The following FRRS1 variants were observed in gnomAD, a reference collection of about 807,000 sequenced individuals.
FRRS1 encodes the protein ferric reductase 1.
FRRS1 carries 51 observed loss-of-function variants against 70.7 expected under a neutral mutation model. The observed-to-expected ratio is 0.72, with a 90% confidence interval of 0.58 to 0.91. The LOEUF is 0.91. Among genes scored for constraint, FRRS1 ranks in the 40% least tolerant of loss-of-function variants. The pLI is 0.00. For missense variants in FRRS1, 672 were observed against 726.0 expected (o/e 0.93, Z 0.86); for synonymous variants, 225 against 238.7 (o/e 0.94, Z 0.53).
intron 7 of FRRS1, among the ~76,000 whole-genome samples, chr1:99,731,239 C>G (rs1337760458): frequency 6.6e-6 from 1 of 152,190 alleles, no homozygotes; most frequent in African/African-American, 2.4e-5. Context: ...TCTCCATAAA[C>G]TATCTAACAA....
intron 1 of FRRS1, among the ~76,000 whole-genome samples, chr1:99,753,212 T>A (rs1199206682): frequency 2.5e-5 from 3 of 121,176 alleles, no homozygotes; most frequent in Non-Finnish European, 4.8e-5. Context: ...GACCTCTGTC[T>A]CGATTTAAAA....
intron 8 of FRRS1, among the ~76,000 whole-genome samples, chr1:99,728,851 A>G (rs1353245922): frequency 6.6e-6 from 1 of 152,262 alleles, no homozygotes; most frequent in Non-Finnish European, 1.5e-5. Flanking sequence ...TGGCAAAAAG[A>G]AAAAATATTA....
At chr1:99,718,865 T>C (rs1654664551) in intron 10 of FRRS1, among the ~76,000 whole-genome samples, 2 of 152,156 alleles carry the variant, frequency 1.3e-5, no homozygotes, top group African/African-American at 4.8e-5. Flanking sequence ...TAAGGTCTCA[T>C]AAAAGTTAAA....
At chr1:99,747,036 T>C (rs371737232) in intron 4 of FRRS1, among the ~76,000 whole-genome samples, 5 of 152,296 alleles carry the variant, frequency 3.3e-5, no homozygotes, top group African/African-American at 1.2e-4. Flanking sequence ...ATAGTAAATA[T>C]ATTTTCTCTT....
intron 7 of FRRS1, among the ~76,000 whole-genome samples, chr1:99,737,040 C>A (rs1655709046): frequency 1.0e-5 from 1 of 99,552 alleles, no homozygotes; most frequent in African/African-American, 9.9e-5. Context: ...ACCCTCAAGA[C>A]AAGAACGCCT....
At chr1:99,741,129 T>C (rs1162179702) in intron 5 of FRRS1, among the ~76,000 whole-genome samples, 189 bp from the exon 6 acceptor site, 2 of 152,244 alleles carry the variant, frequency 1.3e-5, no homozygotes, top group African/African-American at 4.8e-5. Flanking sequence ...CAAATTTTTA[T>C]TGCTTTCTCT....
intron 1 of FRRS1, among the ~76,000 whole-genome samples, chr1:99,762,310 C>T (rs1036751702): frequency 4.6e-5 from 7 of 152,176 alleles, no homozygotes; most frequent in Admixed American, 3.3e-4. Flanking sequence ...TTTTCCACCA[C>T]ATTTTTTGGA....
At chr1:99,734,542 T>C (rs924559859) in intron 7 of FRRS1, among the ~76,000 whole-genome samples, 8 of 152,184 alleles carry the variant, frequency 5.3e-5, no homozygotes, top group Admixed American at 2.0e-4. Flanking sequence ...TATTGAGGTT[T>C]AAAACTTTTC....
At chr1:99,720,969 G>C (rs1393825475) in intron 9 of FRRS1, among the ~76,000 whole-genome samples, 1 of 151,534 alleles carries the variant, frequency 6.6e-6, no homozygotes, top group East Asian at 1.9e-4. Flanking sequence ...AATAAAGGTA[G>C]AACTTAAGCT....
rs1329676399 is a variant in FRRS1, at chr1:99,708,658, ATATATC to A, written c.*364_*369del. On this transcript the variant is annotated 3_prime_UTR_variant, in exon 17 of 17. Coordinates refer to ENST00000646001, the MANE Select transcript of FRRS1 (RefSeq NM_001361041.2). ...TATATATATATATATATATATATAT[ATATATC>A]GTAATATATCTCTTTATTATCCTAG... is the stretch of plus-strand genomic sequence containing the variant. The A allele has an allele frequency of 1.4e-5, 2 of 139,032 alleles. No homozygotes were observed. The highest frequency in any genetic ancestry group is 2.8e-5 in the Non-Finnish European group (2 of 70,384). The allele number at this position is 139,032 out of a possible 1,614,324, so 8.6% of individuals were successfully genotyped here.
intron 3 of FRRS1, chr1:99,748,209 C>A: frequency 6.0e-6 from 1 of 165,890 alleles, no homozygotes; most frequent in Non-Finnish European, 1.3e-5. Flanking sequence ...TAATAATCAG[C>A]CTACATTTTA....
At chr1:99,727,558 A>G (rs1258807353) in intron 9 of FRRS1, among the ~76,000 whole-genome samples, 5 of 152,226 alleles carry the variant, frequency 3.3e-5, no homozygotes, top group Non-Finnish European at 7.3e-5. Context: ...CTGCTTTACC[A>G]AGAGCAGAAA....
At chr1:99,757,053 A>C (rs1414164651) in intron 1 of FRRS1, among the ~76,000 whole-genome samples, 2 of 151,792 alleles carry the variant, frequency 1.3e-5, no homozygotes, top group Non-Finnish European at 2.9e-5. Context: ...TCACTATAAA[A>C]TATCTACATA....
rs1265239899 is a variant in FRRS1, at chr1:99,708,335, C to T, written c.*693G>A. 6.6e-6 allele frequency among the ~76,000 whole-genome samples: 1 copy of T among 151,980 alleles called. No homozygotes were observed. The highest frequency in any genetic ancestry group is 1.5e-5 in the Non-Finnish European group (1 of 68,002). On this transcript the variant is annotated 3_prime_UTR_variant, in exon 17 of 17. Coordinates refer to ENST00000646001, the MANE Select transcript of FRRS1 (RefSeq NM_001361041.2). ...TTACCATAGGCTGGGCGTGGTGGCT[C>T]ACGCCTGTAATCCCAGCACTTTGGG... is the stretch of plus-strand genomic sequence containing the variant.
intron 11 of FRRS1, among the ~76,000 whole-genome samples, chr1:99,716,473 C>T (rs527505928): frequency 3.3e-5 from 5 of 152,266 alleles, no homozygotes; most frequent in South Asian, 4.2e-4. Flanking sequence ...AGCAAAGGCA[C>T]GCAAGTGCAA....
At chr1:99,734,829 T>C (rs1395511865) in intron 7 of FRRS1, among the ~76,000 whole-genome samples, 4 of 152,104 alleles carry the variant, frequency 2.6e-5, no homozygotes, top group Non-Finnish European at 5.9e-5. Flanking sequence ...CTTTGTGCTG[T>C]CCAGGAACAC....
intron 1 of FRRS1, among the ~76,000 whole-genome samples, chr1:99,762,710 A>T (rs946215631): frequency 5.9e-5 from 9 of 152,108 alleles, no homozygotes; most frequent in African/African-American, 1.7e-4. Context: ...TCACTTTCCT[A>T]ATCTGATGGT....
At chr1:99,732,844 ATTTT>A (rs5776486) in intron 7 of FRRS1, among the ~76,000 whole-genome samples, 44,255 of 145,232 alleles carry the variant, frequency 0.3, 12,099 homozygotes, top group African/African-American at 0.73. Flanking sequence ...TTTTGAGACA[ATTTT>A]TTTTTTTTTT....
intron 9 of FRRS1, among the ~76,000 whole-genome samples, chr1:99,724,316 C>T (rs1050455660): frequency 3.3e-5 from 5 of 152,192 alleles, no homozygotes; most frequent in African/African-American, 1.2e-4. Flanking sequence ...ACAGCTGTGT[C>T]TCTACTTCAT....
Sources: gnomAD v4.1 joint callset for allele counts (sites outside exome capture counted in the v4.1 genomes callset) on GRCh38, gnomAD v4.1.1 for gene constraint, MANE v1.5 for transcripts, NCBI Gene and HGNC (gene_info 2026-07-23, HGNC 2026-07-21) for gene names.